XXYLT1: variants seen among roughly 807,000 people sequenced by gnomAD.
The protein encoded by XXYLT1 is UDP-xylose:alpha-xyloside alpha-1,3-xylosyltransferase.
A neutral mutation model predicts 28.9 loss-of-function variants in XXYLT1; 20 were observed. The observed-to-expected ratio is 0.69, with a 90% CI of 0.49 to 1.00. XXYLT1 has a LOEUF of 1.00. XXYLT1 is among the 50% of genes least tolerant of loss of function. XXYLT1 has a pLI of 0.00. For missense variants in XXYLT1, 542 were observed against 560.1 expected, an observed-to-expected ratio of 0.97 and a Z score of 0.33; for synonymous variants, 257 against 253.8, an observed-to-expected ratio of 1.01 and a Z score of -0.12.
intron 2 of XXYLT1, among the ~76,000 whole-genome samples, chr3:195,157,481 A>G (rs542495370): frequency 2.0e-5 from 3 of 152,212 alleles, no homozygotes; most frequent in Non-Finnish European, 4.4e-5. Flanking sequence ...GGATGAGCCC[A>G]GATTCTTCAA....
rs557821365 is a variant in XXYLT1, at chr3:195,226,590, C to T, written c.652+119G>A. On this transcript the variant is annotated intron_variant, in intron 2 of 3. Coordinates refer to ENST00000310380, the MANE Select transcript of XXYLT1 (RefSeq NM_152531.5). The stretch of plus-strand genomic sequence containing the variant: ...GGGCTTGGTCTGGCTCCCTCGTCCA[C>T]TCTTTCATGTTCAGTGGAGCTATTC... 2.5e-4 allele frequency: 342 copies of T among 1,345,534 alleles called. 3 individuals carry two copies. In the South Asian group the frequency reaches 4.6e-3, roughly 18 times the overall value. The allele number at this position is 1,345,534 out of a possible 1,614,324, so 83.3% of individuals were successfully genotyped here.
intron 3 of XXYLT1, among the ~76,000 whole-genome samples, chr3:195,080,593 G>A (rs1715379129): frequency 6.6e-6 from 1 of 152,226 alleles, no homozygotes. Flanking sequence ...CAAAACCACA[G>A]AGGGTCACCT....
rs1170667859 is a variant in XXYLT1 at position 195,109,809 on chromosome 3, AGT to A, written c.786-39700_786-39699del. Among the ~76,000 whole-genome samples, 39 of 28,874 alleles carry A rather than the reference AGT, an allele frequency of 1.4e-3. 13 individuals carry two copies. Among genetic ancestry groups the A allele is most frequent in the Non-Finnish European group, 2.9e-3 (35 of 12,010 alleles). The allele number at this position is 28,874 out of a possible 152,430, so 18.9% of individuals were successfully genotyped here. On this transcript the variant is annotated intron_variant, in intron 3 of 3. Coordinates refer to ENST00000310380, the MANE Select transcript of XXYLT1 (RefSeq NM_152531.5). ...GTATGTGTGGTGTGTGTGGTGTATG[AGT>A]GTGTGTGTGGTGTATGAGTGTGCGT...
At chr3:195,249,163 C>T (rs1382075910) in intron 1 of XXYLT1, among the ~76,000 whole-genome samples, 1 of 152,186 alleles carries the variant, frequency 6.6e-6, no homozygotes, top group East Asian at 1.9e-4. Context: ...AAGTGCGGCA[C>T]CAGCAGCCAG....
At chr3:195,188,572 G>A (rs1461722502) in intron 2 of XXYLT1, among the ~76,000 whole-genome samples, 1 of 152,236 alleles carries the variant, frequency 6.6e-6, no homozygotes, top group Non-Finnish European at 1.5e-5. Context: ...CTGCTGCTGT[G>A]TACTGGCCAT....
chr3:195,077,087 G>T lies in XXYLT1; in HGVS notation c.786-6976C>A, dbSNP rs747786206. On this transcript the variant is annotated intron_variant, in intron 3 of 3. Coordinates refer to ENST00000310380, the MANE Select transcript of XXYLT1 (RefSeq NM_152531.5). The surrounding 1 kb of genome is among the most constrained non-coding windows in gnomAD (Gnocchi z 4.8). ...CAGGGACTCAGAGGACACCTGTGGG[G>T]CCCAGAACTGCCCTCAGCAAAACCC... is the stretch of plus-strand genomic sequence containing the variant. Among the ~76,000 whole-genome samples, 12 of 152,160 alleles carry T rather than the reference G, an allele frequency of 7.9e-5. No individual in the cohort carries two copies. Among genetic ancestry groups the T allele is most frequent in the Non-Finnish European group, 1.5e-4 (10 of 68,018 alleles).
At chr3:195,178,558 G>C (rs1043653567) in intron 2 of XXYLT1, among the ~76,000 whole-genome samples, 1 of 152,172 alleles carries the variant, frequency 6.6e-6, no homozygotes, top group African/African-American at 2.4e-5. Flanking sequence ...TAAGGACTTG[G>C]CGCAGCTCCA....
At chr3:195,245,696 G>A (rs1033947422) in intron 1 of XXYLT1, among the ~76,000 whole-genome samples, 10 of 152,190 alleles carry the variant, frequency 6.6e-5, no homozygotes, top group Admixed American at 2.0e-4. Flanking sequence ...TGGGAGGTAC[G>A]GAATCATGGG....
In XXYLT1 at chr3:195,270,537, C is replaced by T. The variant is rs1026705072; in HGVS notation, c.504+18G>A. 19 of 1,372,090 alleles carry T rather than the reference C, an allele frequency of 1.4e-5. No homozygotes were observed. The highest frequency in any genetic ancestry group is 1.8e-5 in the Non-Finnish European group (19 of 1,066,220). 85.0% of individuals were successfully genotyped at this position (1,372,090 alleles called of 1,614,324 possible). ...GGGTGGGCCACCCACCGGGAGCCCCCAGCCGCGGCCCGCTCACCTTGCACT... is the reference window on the plus strand; with the variant it reads ...GGGTGGGCCACCCACCGGGAGCCCCTAGCCGCGGCCCGCTCACCTTGCACT... On this transcript the variant is annotated intron_variant, in intron 1 of 3. Transcript: ENST00000310380.
intron 3 of XXYLT1, among the ~76,000 whole-genome samples, chr3:195,143,784 T>TTA (rs3073320): frequency 0.027 from 3,120 of 113,840 alleles, 307 homozygotes; most frequent in Middle Eastern, 0.091. Context: ...TGTTCTCTCA[T>TTA]TATATATATA....
At chr3:195,269,348 G>A (rs1293570643) in intron 1 of XXYLT1, among the ~76,000 whole-genome samples, 2 of 152,164 alleles carry the variant, frequency 1.3e-5, no homozygotes, top group African/African-American at 2.4e-5. Context: ...CTCCTCCAGC[G>A]AGGACCTTCA....
intron 1 of XXYLT1, among the ~76,000 whole-genome samples, 193 bp from the exon 2 acceptor site, chr3:195,227,049 C>A (rs1022487409): frequency 6.6e-6 from 1 of 152,114 alleles, no homozygotes; most frequent in South Asian, 2.1e-4. Context: ...GAATTGAGGC[C>A]GCACTAAGGA....
rs902737346 is a variant in XXYLT1, at chr3:195,129,100, C to T, written c.785+27349G>A. Among the ~76,000 whole-genome samples the T allele has an allele frequency of 3.3e-5, 5 of 152,102 alleles. No homozygotes were observed. Among genetic ancestry groups the T allele is most frequent in the Non-Finnish European group, 7.4e-5 (5 of 68,024 alleles). On this transcript the variant is annotated intron_variant, in intron 3 of 3. Coordinates refer to ENST00000310380, the MANE Select transcript of XXYLT1 (RefSeq NM_152531.5). This position sits in a 1 kb window ranked among gnomAD's most constrained non-coding sequence, Gnocchi z 4.4. ...CTGTCAGTACTTAATGCTTGTTCTA[C>T]CCTGGAAAAAATATTGTGTGGGGGG...
chr3:195,184,930 T>G lies in XXYLT1; in HGVS notation c.653-28349A>C, dbSNP rs146171753. On this transcript the variant is annotated intron_variant, in intron 2 of 3. Coordinates refer to ENST00000310380, the MANE Select transcript of XXYLT1 (RefSeq NM_152531.5). ...ATCCTTTCAGTTTCGTTTGATCAAA[T>G]GTTGGGCATTTATACAGCTCATTTT... 159 of 660,414 alleles carry G rather than the reference T, an allele frequency of 2.4e-4. No individual in the cohort carries two copies. The Middle Eastern group carries it at 2.5e-3, about 10-fold the overall frequency. The allele number at this position is 660,414 out of a possible 1,614,324, so 40.9% of individuals were successfully genotyped here. A position where few individuals can be genotyped will look rare whatever the true frequency, so the allele number is the denominator to read the frequency against.
intron 2 of XXYLT1, among the ~76,000 whole-genome samples, chr3:195,178,443 G>A (rs570535800): frequency 4.6e-5 from 7 of 152,230 alleles, no homozygotes; most frequent in African/African-American, 1.4e-4. Flanking sequence ...TCAAATTCTG[G>A]GTGGAGACCA....
At chr3:195,159,775 A>G (rs1253576248) in intron 2 of XXYLT1, among the ~76,000 whole-genome samples, 2 of 152,090 alleles carry the variant, frequency 1.3e-5, no homozygotes, top group African/African-American at 2.4e-5. Flanking sequence ...CTTCCGTACA[A>G]TTACACCACA....
chr3:195,235,787 C>G (rs917753081), intron 1 of XXYLT1, among the ~76,000 whole-genome samples: 2 of 152,178 alleles, frequency 1.3e-5, no homozygotes, highest in Non-Finnish European at 2.9e-5. Context: ...TTTGTAGATG[C>G]ACCACCTTGA....
chr3:195,202,450 A>G (rs1247257932), intron 2 of XXYLT1, among the ~76,000 whole-genome samples: 1 of 152,052 alleles, frequency 6.6e-6, no homozygotes, highest in South Asian at 2.1e-4. Context: ...AGAATAATTA[A>G]CAAATCTAAA....
intron 3 of XXYLT1, chr3:195,093,933 C>G (rs761181906): frequency 2.0e-5 from 3 of 152,444 alleles, no homozygotes; most frequent in Admixed American, 2.0e-4. Context: ...AGCCTATCCT[C>G]CCCCAGCCCA....
Sources: allele counts gnomAD v4.1 joint callset (sites outside exome capture counted in the v4.1 genomes callset), GRCh38; gene constraint gnomAD v4.1.1; non-coding constraint Gnocchi (gnomAD v3.1); transcripts MANE v1.5; gene names NCBI Gene and HGNC (gene_info 2026-07-23, HGNC 2026-07-21).